Variants in ARID2 observed in about 807,000 individuals in gnomAD.
ARID2 encodes the protein AT-rich interaction domain 2.
A neutral mutation model predicts 184.6 loss-of-function variants in ARID2; 32 were observed. The ratio of observed to expected loss-of-function variants is 0.17; its 90% confidence interval spans 0.13 to 0.23. ARID2 has a LOEUF of 0.23. ARID2 is among the 10% of genes least tolerant of loss of function. The pLI is 1.00. For synonymous variants in ARID2, 836 were observed against 772.6 expected, an observed-to-expected ratio of 1.08 and a Z score of -1.36; for missense variants, 1,696 against 2,197.6, an observed-to-expected ratio of 0.77 and a Z score of 4.56.
chr12:45,895,508 G>T (rs1187915228), intron 20 of ARID2, among the ~76,000 whole-genome samples: 1 of 152,142 alleles, frequency 6.6e-6, no homozygotes, highest in Admixed American at 6.5e-5. Flanking sequence ...ATAGACAGGT[G>T]GTGGGAAATT....
chr12:45,826,349 T>G (rs1361602753), intron 6 of ARID2, among the ~76,000 whole-genome samples: 1 of 152,078 alleles, frequency 6.6e-6, no homozygotes, highest in Non-Finnish European at 1.5e-5. Context: ...TTTGAATTAA[T>G]AGTTAAATAG....
chr12:45,769,352 T>C (rs1001525439), intron 3 of ARID2, among the ~76,000 whole-genome samples: 6 of 152,174 alleles, frequency 3.9e-5, no homozygotes, highest in African/African-American at 7.2e-5. Flanking sequence ...TACAGAATTA[T>C]TAAAAAGAAC....
chr12:45,729,925 G>A lies in ARID2; in HGVS notation c.89G>A (p.Arg30Lys). The change falls in exon 1 of 21, where the codon AGA (arginine) becomes AAA (lysine). Residue 30 changes from arginine (R) to lysine (K), a missense_variant. Physicochemically the swap from Arg to Lys is conservative, Grantham distance 26 (BLOSUM62 2). Transcript: ENST00000334344. ...GAGCTGCGGCAGTTCCACCACAGCAGAGGGTGAGAGCAGAACCGGGGGGGC... is the reference window on the plus strand; with the variant it reads ...GAGCTGCGGCAGTTCCACCACAGCAAAGGGTGAGAGCAGAACCGGGGGGGC... ...LDELRQFHHSRGSPFKKIPAV... is the reference protein window; with the variant it reads ...LDELRQFHHSKGSPFKKIPAV... The A allele has an allele frequency of 6.2e-7, 1 of 1,608,328 alleles. No individual in the cohort carries two copies. The highest frequency in any genetic ancestry group is 8.5e-7 in the Non-Finnish European group (1 of 1,177,508).
At chr12:45,796,245 G>A (rs1942391021) in intron 3 of ARID2, among the ~76,000 whole-genome samples, 2 of 151,724 alleles carry the variant, frequency 1.3e-5, no homozygotes, top group Non-Finnish European at 2.9e-5. Flanking sequence ...CATACTGTAT[G>A]ATTTTTTTCT....
intron 6 of ARID2, among the ~76,000 whole-genome samples, chr12:45,829,417 A>T (rs1943067373): frequency 6.6e-6 from 1 of 152,022 alleles, no homozygotes; most frequent in African/African-American, 2.4e-5. Flanking sequence ...TATGCAATTT[A>T]AAACCCCAGA....
chr12:45,855,452 A>G (rs1179918246), intron 15 of ARID2, among the ~76,000 whole-genome samples: 1 of 152,236 alleles, frequency 6.6e-6, no homozygotes, highest in Non-Finnish European at 1.5e-5. Flanking sequence ...TATGAGAATG[A>G]GAATAACAAA....
chr12:45,885,941 C>T (rs2138223582), intron 16 of ARID2, among the ~76,000 whole-genome samples: 1 of 152,198 alleles, frequency 6.6e-6, no homozygotes, highest in South Asian at 2.1e-4. Flanking sequence ...ACAGCCAAAC[C>T]GTATCATTCT....
intron 16 of ARID2, among the ~76,000 whole-genome samples, chr12:45,890,078 A>G (rs568272215): frequency 6.6e-6 from 1 of 152,352 alleles, no homozygotes; most frequent in East Asian, 1.9e-4. Flanking sequence ...ATCAATGAAT[A>G]GCTTTTATGA....
chr12:45,830,043 A>G (rs1228720346), intron 6 of ARID2, among the ~76,000 whole-genome samples: 2 of 149,346 alleles, frequency 1.3e-5, no homozygotes, highest in African/African-American at 4.9e-5. Flanking sequence ...ATTTTTAAAA[A>G]TCTTTTAATA....
intron 3 of ARID2, among the ~76,000 whole-genome samples, chr12:45,742,498 AAC>A (rs1295263959): frequency 6.6e-6 from 1 of 152,182 alleles, no homozygotes; most frequent in Non-Finnish European, 1.5e-5. Flanking sequence ...GAATATGTAA[AAC>A]ACGTAAGATT....
chr12:45,819,358 G>A (rs577534414), intron 5 of ARID2, among the ~76,000 whole-genome samples: 18 of 152,252 alleles, frequency 1.2e-4, no homozygotes, highest in African/African-American at 3.4e-4. Context: ...AATTTAGCAA[G>A]TGCCATTTGG....
At chr12:45,828,797 T>C (rs1943053295) in intron 6 of ARID2, among the ~76,000 whole-genome samples, 1 of 152,040 alleles carries the variant, frequency 6.6e-6, no homozygotes, top group Non-Finnish European at 1.5e-5. Flanking sequence ...TAATTATCTT[T>C]TTGATTTGTA....
At chr12:45,814,348 A>T (rs1169956263) in intron 4 of ARID2, among the ~76,000 whole-genome samples, 1 of 152,172 alleles carries the variant, frequency 6.6e-6, no homozygotes, top group Non-Finnish European at 1.5e-5. Flanking sequence ...TAAATTTTGA[A>T]TCAAGAATGT....
At chr12:45,783,345 A>G (rs1411608739) in intron 3 of ARID2, among the ~76,000 whole-genome samples, 1 of 152,216 alleles carries the variant, frequency 6.6e-6, no homozygotes, top group Non-Finnish European at 1.5e-5. Context: ...CATAACATGT[A>G]GGGGGTTATG....
intron 3 of ARID2, among the ~76,000 whole-genome samples, chr12:45,746,925 C>G (rs919356927): frequency 1.3e-5 from 2 of 152,162 alleles, no homozygotes; most frequent in African/African-American, 4.8e-5. Flanking sequence ...CGCCACCATG[C>G]CCAGCTAATT....
chr12:45,855,930 G>C (rs560661900), intron 15 of ARID2, among the ~76,000 whole-genome samples: 1 of 152,112 alleles, frequency 6.6e-6, no homozygotes, highest in African/African-American at 2.4e-5. Context: ...ATCTCCCTAT[G>C]TTGCCCAGGC....
At chr12:45,843,400 G>C (rs764026814) in intron 11 of ARID2, among the ~76,000 whole-genome samples, 70 of 149,016 alleles carry the variant, frequency 4.7e-4, no homozygotes, top group Non-Finnish European at 9.9e-4. Flanking sequence ...TCTAAAGACA[G>C]CGTCTCACTC....
chr12:45,749,331 A>C (rs1941416577), intron 3 of ARID2, among the ~76,000 whole-genome samples: 1 of 152,194 alleles, frequency 6.6e-6, no homozygotes, highest in South Asian at 2.1e-4. Flanking sequence ...AGCTGGTTTC[A>C]ACACTGAGCT....
At chr12:45,843,161 A>G (rs920409302) in intron 11 of ARID2, among the ~76,000 whole-genome samples, 3 of 152,036 alleles carry the variant, frequency 2.0e-5, no homozygotes, top group Non-Finnish European at 2.9e-5. Context: ...AAGTTTCTGG[A>G]AAATATATCA....
Sources: gnomAD v4.1 joint callset for allele counts (sites outside exome capture counted in the v4.1 genomes callset) on GRCh38, gnomAD v4.1.1 for gene constraint, MANE v1.5 for transcripts, NCBI Gene and HGNC (gene_info 2026-07-23, HGNC 2026-07-21) for gene names.